SPATA21: variants seen among roughly 807,000 people sequenced by gnomAD.
SPATA21 encodes the protein spermatogenesis associated 21, also known as spermatogenesis-associated protein 21.
A neutral mutation model predicts 54.8 loss-of-function variants in SPATA21; 47 were observed. That is an observed-to-expected ratio of 0.86 (90% confidence interval 0.68 to 1.09). The LOEUF (loss-of-function observed/expected upper bound fraction) is 1.09, where lower values mean the gene tolerates loss of function less well. Ranked by LOEUF, SPATA21 falls within the 50% of genes least tolerant of loss-of-function variation. SPATA21 has a pLI of 0.00. For synonymous variants in SPATA21, 245 were observed against 235.3 expected (o/e 1.04, Z -0.38); for missense variants, 599 against 596.4 (o/e 1.00, Z -0.05).
rs528162039 is a variant in SPATA21, at chr1:16,430,388, G to A, written c.34+950C>T. ...TTCGAGGCTGCAGTGAGTCGTGATCGCACCACTGCACTCCAGTCTGGGTGA... is the reference window on the plus strand; with the variant it reads ...TTCGAGGCTGCAGTGAGTCGTGATCACACCACTGCACTCCAGTCTGGGTGA... On this transcript the variant is annotated intron_variant, in intron 3 of 12. Coordinates refer to ENST00000335496, the MANE Select transcript of SPATA21 (RefSeq NM_198546.1). Among the ~76,000 whole-genome samples, 14 of 152,054 alleles carry A rather than the reference G, an allele frequency of 9.2e-5. 1 individual carries two copies. In the South Asian group the frequency reaches 2.7e-3, roughly 29 times the overall value.
At chr1:16,431,140 AAC>A (rs2086446847) in intron 3 of SPATA21, 196 bp downstream of exon 3, 2 of 1,329,926 alleles carry the variant, frequency 1.5e-6, no homozygotes, top group South Asian at 3.1e-5. Context: ...GTCCATTTTT[AAC>A]AGAGTCTTAA....
intron 3 of SPATA21, among the ~76,000 whole-genome samples, chr1:16,429,125 C>G (rs1234220816): frequency 3.3e-5 from 5 of 152,162 alleles, no homozygotes; most frequent in African/African-American, 1.2e-4. Flanking sequence ...AGGGAACATA[C>G]CCAAGGGCAT....
chr1:16,435,004 C>A (rs1011104325), intron 1 of SPATA21, among the ~76,000 whole-genome samples: 1 of 151,890 alleles, frequency 6.6e-6, no homozygotes, highest in Non-Finnish European at 1.5e-5. Flanking sequence ...ACTACAAGTG[C>A]ACACCACCAC....
rs1266208993 is a variant in SPATA21 at position 16,399,393 on chromosome 1, C to T, written c.1303G>A (p.Asp435Asn). The change falls in exon 12 of 13, where the codon GAT (aspartate) becomes AAT (asparagine). Residue 435 changes from aspartate (D) to asparagine (N), a missense_variant. Physicochemically the swap from Asp to Asn is conservative, Grantham distance 23. Transcript: ENST00000335496. The part of the protein sequence containing the change: ...ALDQCTPPGL[D>N]PDIRSPFFQS... ...AAGAAGGGGCTGCGGATGTCAGGATCCAGGCCAGGGGGTGTGCACTGGTCT... is the reference window on the plus strand; with the variant it reads ...AAGAAGGGGCTGCGGATGTCAGGATTCAGGCCAGGGGGTGTGCACTGGTCT... 5 of 1,613,902 alleles carry T rather than the reference C, an allele frequency of 3.1e-6. No homozygotes were observed. The highest frequency in any genetic ancestry group is 4.2e-6 in the Non-Finnish European group (5 of 1,179,956).
At chr1:16,408,459 G>A (rs2085717814) in intron 7 of SPATA21, 1 of 985,446 alleles carries the variant, frequency 1.0e-6, no homozygotes, top group Non-Finnish European at 1.2e-6. Flanking sequence ...GACCAATAGA[G>A]CAGGCTTGGG....
Position 16,421,082 on chromosome 1 carries a change from C to T in SPATA21, c.144+427G>A, listed in dbSNP as rs2086157155. Among the ~76,000 whole-genome samples the T allele has an allele frequency of 6.6e-6, 1 of 151,956 alleles. No individual in the cohort carries two copies. The highest frequency in any genetic ancestry group is 2.4e-5 in the African/African-American group (1 of 41,336). Reference sequence around the variant, plus strand: ...ACTGTGTATTTGCAGGTTGCCTGGTCAGGTCAAAGAACTAGGAAGTGGCAG... The same window carrying T: ...ACTGTGTATTTGCAGGTTGCCTGGTTAGGTCAAAGAACTAGGAAGTGGCAG... On this transcript the variant is annotated intron_variant, in intron 5 of 12. Transcript: ENST00000335496. This position sits in a 1 kb window ranked among gnomAD's most constrained non-coding sequence, Gnocchi z 5.2.
At chr1:16,436,633 G>A (rs984967541) in intron 1 of SPATA21, among the ~76,000 whole-genome samples, 1 of 151,898 alleles carries the variant, frequency 6.6e-6, no homozygotes, top group Non-Finnish European at 1.5e-5. Flanking sequence ...GGGCATGGTG[G>A]TGCCTGCCTG....
chr1:16,405,371 G>C (rs756529107), intron 7 of SPATA21, among the ~76,000 whole-genome samples: 3 of 151,784 alleles, frequency 2.0e-5, no homozygotes, highest in Admixed American at 6.6e-5. Flanking sequence ...GCGTGGCGGT[G>C]CATGACTGTT....
chr1:16,424,510 C>G (rs1174022728), intron 3 of SPATA21, among the ~76,000 whole-genome samples: 2 of 151,736 alleles, frequency 1.3e-5, no homozygotes, highest in African/African-American at 4.8e-5. Flanking sequence ...GCCTGGACCC[C>G]AGGCTCAGGG....
At chr1:16,398,983 A>G (rs565252825) in intron 12 of SPATA21, among the ~76,000 whole-genome samples, 161 bp from the exon 13 acceptor site, 1 of 152,304 alleles carries the variant, frequency 6.6e-6, no homozygotes, top group Non-Finnish European at 1.5e-5. Flanking sequence ...TTCCAAGTCC[A>G]GAGCTCCCTT....
chr1:16,409,902 C>T lies in SPATA21; in HGVS notation c.286G>A (p.Glu96Lys). The change falls in exon 6 of 13, where the codon GAG becomes AAG. Residue 96 changes from glutamate to lysine, a missense_variant. Transcript: ENST00000335496. This position sits in a 1 kb window ranked among gnomAD's most constrained non-coding sequence, Gnocchi z 4.1. ...TTCGAGGCTCTCCGATGGGAGGCCT[C>T]CATTTTCTCCACCTCCAGCAAGCAC... ...MKCLLEVEKM[E>K]ASHRRASKAR... 4 of 1,613,816 alleles carry T rather than the reference C, an allele frequency of 2.5e-6. No individual in the cohort carries two copies. The highest frequency in any genetic ancestry group is 3.4e-6 in the Non-Finnish European group (4 of 1,179,844).
chr1:16,400,361 A>C (rs2085406354), intron 11 of SPATA21: 1 of 782,588 alleles, frequency 1.3e-6, no homozygotes, highest in Non-Finnish European at 1.6e-6. Flanking sequence ...ATACATGATT[A>C]TGAGTATTAA....
chr1:16,400,147 C>A (rs1202729677), intron 11 of SPATA21, among the ~76,000 whole-genome samples: 1 of 152,094 alleles, frequency 6.6e-6, no homozygotes, highest in African/African-American at 2.4e-5. Flanking sequence ...CAGCCTCAGC[C>A]TCCAGAGTAG....
rs1272364543 is a variant in SPATA21 at position 16,403,460 on chromosome 1, GCTAGTTTTATT to G, written c.1001+256_1001+266del. ...AGCCATACATTCCCCTTTTGCTTAAGCTAGTTTTATTCTAGTTTTTTTCTTTTTTTTCTTTT... is the reference window on the plus strand; with the variant it reads ...AGCCATACATTCCCCTTTTGCTTAAGCTAGTTTTTTTCTTTTTTTTCTTTT... On this transcript the variant is annotated intron_variant, in intron 10 of 12. Transcript: ENST00000335496. 4.0e-5 allele frequency among the ~76,000 whole-genome samples: 6 copies of G among 150,796 alleles called. No individual in the cohort carries two copies. The East Asian group carries it at 9.8e-4, about 25-fold the overall frequency.
In SPATA21 at chr1:16,421,826, G is replaced by A; in HGVS notation, c.95+85C>T. 6.3e-7 allele frequency: 1 copy of A among 1,599,376 alleles called. No homozygotes were observed. The highest frequency in any genetic ancestry group is 1.1e-5 in the South Asian group (1 of 90,440). On this transcript the variant is annotated intron_variant, in intron 4 of 12. Transcript: ENST00000335496. The surrounding 1 kb of genome is among the most constrained non-coding windows in gnomAD (Gnocchi z 5.2). Reference sequence around the variant, plus strand: ...AAGGTCCTCTACCAGGTCAGGAGCAGTCTGGACTAGAATTCACCCCACCTG... The same window carrying A: ...AAGGTCCTCTACCAGGTCAGGAGCAATCTGGACTAGAATTCACCCCACCTG...
intron 10 of SPATA21, among the ~76,000 whole-genome samples, chr1:16,403,360 T>A (rs1054539643): frequency 2.0e-5 from 3 of 152,048 alleles, no homozygotes; most frequent in Non-Finnish European, 4.4e-5. Flanking sequence ...CATGGATAGG[T>A]GGAGAGAGAA....
chr1:16,410,049 G>T lies in SPATA21; in HGVS notation c.145-6C>A. On this transcript the variant is annotated splice_region_variant and splice_polypyrimidine_tract_variant and intron_variant, in intron 5 of 12. Coordinates refer to ENST00000335496, the MANE Select transcript of SPATA21 (RefSeq NM_198546.1). ...TCTCCAATGTCCCTCACCTCCTGGG[G>T]ACAGGGGAGGGGATCCAGGAGGCCT... The T allele has an allele frequency of 6.5e-7, 1 of 1,540,586 alleles. No individual in the cohort carries two copies. Among genetic ancestry groups the T allele is most frequent in the Non-Finnish European group, 8.7e-7 (1 of 1,148,348 alleles).
intron 5 of SPATA21, among the ~76,000 whole-genome samples, chr1:16,418,281 A>AT (rs1158416860): frequency 1.3e-5 from 2 of 151,172 alleles, no homozygotes; most frequent in East Asian, 1.9e-4. Flanking sequence ...TTTTATTTTT[A>AT]TTTTTTTTGA....
At chr1:16,423,539 CTTTTTTT>C (rs966239575) in intron 3 of SPATA21, among the ~76,000 whole-genome samples, 2 of 111,660 alleles carry the variant, frequency 1.8e-5, no homozygotes, top group Non-Finnish European at 3.7e-5. Flanking sequence ...TCTCTCTCTC[CTTTTTTT>C]TTTTTTTTTT....
Sources: gnomAD v4.1 joint callset for allele counts (sites outside exome capture counted in the v4.1 genomes callset) on GRCh38, gnomAD v4.1.1 for gene constraint, Gnocchi (gnomAD v3.1) non-coding constraint, MANE v1.5 for transcripts, NCBI Gene and HGNC (gene_info 2026-07-23, HGNC 2026-07-21) for gene names.